The following SPATA3 variants were observed in gnomAD, a reference collection of about 807,000 sequenced individuals.
The protein encoded by SPATA3 is spermatogenesis-associated protein 3.
In SPATA3, 6 loss-of-function variants were observed where a neutral mutation model predicts 5.7. The observed-to-expected ratio is 1.06, with a 90% confidence interval of 0.58 to 2.09. SPATA3 has a LOEUF of 2.09. Among genes scored for constraint, SPATA3 ranks in the 30% most tolerant of loss-of-function variants. The pLI is 0.00. For missense variants in SPATA3, 155 were observed against 130.4 expected, an observed-to-expected ratio of 1.19 and a Z score of -0.92; for synonymous variants, 44 against 48.4, an observed-to-expected ratio of 0.91 and a Z score of 0.37.
At chr2:230,998,774 G>T (rs1230215131) in intron 1 of SPATA3, among the ~76,000 whole-genome samples, 3 of 152,220 alleles carry the variant, frequency 2.0e-5, no homozygotes, top group African/African-American at 4.8e-5. Flanking sequence ...ATACACTGTA[G>T]GCGGGAATGT....
At chr2:231,000,524 C>T in exon 2 of SPATA3, 1 of 1,536,742 alleles carries the variant, frequency 6.5e-7, no homozygotes, top group Non-Finnish European at 8.8e-7. Flanking sequence ...CCCCAACCTG[C>T]TCACCTTCTA....
chr2:231,007,792 G>A (rs537240294), downstream of SPATA3, among the ~76,000 whole-genome samples: 23 of 152,306 alleles, frequency 1.5e-4, no homozygotes, highest in South Asian at 4.1e-3. Context: ...CTGAACAGGC[G>A]ACTCGAAATC....
At chr2:231,003,261 C>T (rs547031365), downstream of SPATA3, among the ~76,000 whole-genome samples, 126 of 152,348 alleles carry the variant, frequency 8.3e-4, no homozygotes, top group African/African-American at 2.9e-3. Context: ...CCCCTGTCCT[C>T]TCCACCTGTG....
downstream of SPATA3, among the ~76,000 whole-genome samples, chr2:231,005,181 T>G (rs1340777531): frequency 1.7e-5 from 1 of 58,332 alleles, no homozygotes; most frequent in Non-Finnish European, 3.7e-5. Flanking sequence ...ACCATCATCA[T>G]CACCATCACC....
chr2:231,006,177 A>T (rs1692617298), downstream of SPATA3, among the ~76,000 whole-genome samples: 1 of 142,494 alleles, frequency 7.0e-6, no homozygotes, highest in African/African-American at 2.6e-5. Flanking sequence ...CCTGGGTGAC[A>T]GAACTCATGA....
At chr2:231,018,945 G>A (rs144699115) in intron 6 of SPATA3, among the ~76,000 whole-genome samples, 2,275 of 150,206 alleles carry the variant, frequency 0.015, 30 homozygotes, top group Non-Finnish European at 0.02. Context: ...CTCAGCCACC[G>A]TGCCTGGCCT....
At chr2:231,012,684 T>C (rs1692818918) in exon 5 of SPATA3, 4 of 152,218 alleles carry the variant, frequency 2.6e-5, no homozygotes, top group Admixed American at 2.0e-4. Flanking sequence ...CTTGGGCTAC[T>C]GCCAGGGAAC....
downstream of SPATA3, among the ~76,000 whole-genome samples, chr2:231,009,267 G>C (rs13394496): frequency 0.33 from 50,398 of 151,930 alleles, 8,549 homozygotes; most frequent in Non-Finnish European, 0.36. Context: ...GCTTCTCCCC[G>C]TTTTCCTCCA....
downstream of SPATA3, among the ~76,000 whole-genome samples, chr2:231,005,124 CCAT>C (rs1198141975): frequency 1.2e-3 from 64 of 51,470 alleles, no homozygotes; most frequent in Admixed American, 2.7e-3. Flanking sequence ...ATCACCACCA[CCAT>C]CATCATCACC....
At chr2:231,008,139 G>C (rs1211974712), downstream of SPATA3, among the ~76,000 whole-genome samples, 1 of 152,180 alleles carries the variant, frequency 6.6e-6, no homozygotes, top group Non-Finnish European at 1.5e-5. Context: ...TGGGAGAATG[G>C]AGAACACACA....
intron 6 of SPATA3, among the ~76,000 whole-genome samples, chr2:231,017,777 G>A (rs1450838848): frequency 6.6e-6 from 1 of 152,208 alleles, no homozygotes; most frequent in Admixed American, 6.5e-5. Context: ...TTTTTGTGGG[G>A]AGTTTTGAAT....
downstream of SPATA3, chr2:231,002,875 G>A (rs996482838): frequency 2.3e-6 from 2 of 872,302 alleles, no homozygotes; most frequent in East Asian, 3.2e-5. Flanking sequence ...CTCTTCAGGT[G>A]GACCAAGCCC....
chr2:231,005,807 G>A (rs531441461), downstream of SPATA3, among the ~76,000 whole-genome samples: 3 of 152,150 alleles, frequency 2.0e-5, no homozygotes, highest in Non-Finnish European at 2.9e-5. Context: ...TGTTAAATCA[G>A]TGTTCCCCTA....
intron 1 of SPATA3, among the ~76,000 whole-genome samples, chr2:230,997,310 T>C (rs532477415): frequency 6.6e-6 from 1 of 152,226 alleles, no homozygotes; most frequent in African/African-American, 2.4e-5. Context: ...TCTGCCGCCA[T>C]GTGAGATGTG....
intron 5 of SPATA3, among the ~76,000 whole-genome samples, chr2:231,013,091 C>G (rs1276122297): frequency 2.0e-5 from 3 of 152,166 alleles, no homozygotes; most frequent in Non-Finnish European, 4.4e-5. Flanking sequence ...ATTTTATTCC[C>G]CAAGACGCTT....
chr2:231,002,155 A>G (rs1692375308), intron 2 of SPATA3, among the ~76,000 whole-genome samples: 2 of 152,230 alleles, frequency 1.3e-5, no homozygotes, highest in African/African-American at 4.8e-5. Flanking sequence ...CTTGGCTTTC[A>G]ATCCACATTC....
At chr2:231,011,747 C>T (rs1692794093), downstream of SPATA3, among the ~76,000 whole-genome samples, 1 of 152,200 alleles carries the variant, frequency 6.6e-6, no homozygotes, top group South Asian at 2.1e-4. Flanking sequence ...GCAGCCTGTC[C>T]TGCCAAGGCC....
chr2:231,019,259 G>T (rs143730741), intron 6 of SPATA3, among the ~76,000 whole-genome samples: 1 of 151,236 alleles, frequency 6.6e-6, no homozygotes, highest in Non-Finnish European at 1.5e-5. Context: ...GTGAGCCACC[G>T]TGCCAGGCCT....
intron 5 of SPATA3, among the ~76,000 whole-genome samples, chr2:231,013,412 T>C (rs1435478886): frequency 1.3e-5 from 2 of 152,248 alleles, no homozygotes; most frequent in East Asian, 3.8e-4. Flanking sequence ...CTGAGAAGTA[T>C]TTCATTGTGT....
Sources: gnomAD v4.1 joint callset for allele counts (sites outside exome capture counted in the v4.1 genomes callset) on GRCh38, gnomAD v4.1.1 for gene constraint, MANE v1.5 for transcripts, NCBI Gene and HGNC (gene_info 2026-07-23, HGNC 2026-07-21) for gene names.